HECW1: variants seen among roughly 807,000 people sequenced by gnomAD.
The protein encoded by HECW1 is HECT, C2 and WW domain containing E3 ubiquitin protein ligase 1.
In HECW1, 61 loss-of-function variants were observed where a neutral mutation model predicts 182.3. The ratio of observed to expected loss-of-function variants is 0.33; its 90% CI spans 0.27 to 0.41. The LOEUF (loss-of-function observed/expected upper bound fraction) is 0.41. HECW1 is among the 10% of genes least tolerant of loss of function. The pLI is 1.00. For synonymous variants in HECW1, 859 were observed against 832.6 expected, an observed-to-expected ratio of 1.03 and a Z score of -0.55; for missense variants, 1,739 against 2,108.9, an observed-to-expected ratio of 0.82 and a Z score of 3.44.
intron 2 of HECW1, among the ~76,000 whole-genome samples, chr7:43,137,354 T>C (rs956174801): frequency 2.0e-5 from 3 of 152,246 alleles, no homozygotes; most frequent in South Asian, 2.1e-4. Context: ...CATGATTAAA[T>C]GGTCTAGACC....
At chr7:43,493,427 A>AG (rs961106147) in intron 19 of HECW1, among the ~76,000 whole-genome samples, 47 of 151,498 alleles carry the variant, frequency 3.1e-4, no homozygotes, top group African/African-American at 4.1e-4. Flanking sequence ...CCATTGATGT[A>AG]GGGGGGGGAA....
chr7:43,352,726 C>A (rs2152807138), intron 5 of HECW1, among the ~76,000 whole-genome samples: 1 of 152,242 alleles, frequency 6.6e-6, no homozygotes, highest in Non-Finnish European at 1.5e-5. Flanking sequence ...TTTAAGAAGG[C>A]TAATAATGAT....
chr7:43,263,826 CATT>C (rs912113180), intron 3 of HECW1, among the ~76,000 whole-genome samples: 3 of 152,090 alleles, frequency 2.0e-5, no homozygotes, highest in African/African-American at 7.2e-5. Flanking sequence ...TTCTTTCTAG[CATT>C]ATTATTGTTT....
At position 43,465,168 on chromosome 7, in the gene HECW1, T is replaced by C. The variant is rs564539074; in HGVS notation, c.2792-1279T>C. Among the ~76,000 whole-genome samples the C allele has an allele frequency of 2.0e-4, 31 of 152,220 alleles. 1 individual carries two copies. The South Asian group carries it at 6.0e-3, about 30-fold the overall frequency. ...TACAATAGCCAAGTAACTAGAAACA[T>C]GAGGAAAAAGCAGCAGAAAGTTTAT... On this transcript the variant is annotated intron_variant, in intron 14 of 29. Transcript: ENST00000395891.
chr7:43,403,221 A>T (rs2075486768), intron 7 of HECW1, among the ~76,000 whole-genome samples: 1 of 152,220 alleles, frequency 6.6e-6, no homozygotes, highest in African/African-American at 2.4e-5. Flanking sequence ...TACATAGGAG[A>T]TACCCAGGGA....
At chr7:43,346,634 T>G (rs1053636730) in intron 5 of HECW1, among the ~76,000 whole-genome samples, 2 of 152,202 alleles carry the variant, frequency 1.3e-5, no homozygotes, top group Non-Finnish European at 2.9e-5. Context: ...GGTCTTAGGT[T>G]TAAGTCCTTA....
chr7:43,364,144 G>A (rs566155828), intron 6 of HECW1, among the ~76,000 whole-genome samples: 7 of 152,244 alleles, frequency 4.6e-5, no homozygotes, highest in South Asian at 4.1e-4. Flanking sequence ...GTGACAATAC[G>A]CTAAACCTAC....
chr7:43,225,729 T>C (rs1797365218), intron 2 of HECW1, among the ~76,000 whole-genome samples: 1 of 152,142 alleles, frequency 6.6e-6, no homozygotes, highest in Non-Finnish European at 1.5e-5. Context: ...AAAATGCTGC[T>C]GATTTTCTAT....
chr7:43,493,053 T>C, intron 18 of HECW1, 31 bp from the exon 19 acceptor site: 1 of 1,482,180 alleles, frequency 6.7e-7, no homozygotes, highest in South Asian at 1.1e-5. Flanking sequence ...GGCTGCAGAC[T>C]CAACCACAAC....
chr7:43,554,067 A>G (rs2081940450), intron 28 of HECW1, among the ~76,000 whole-genome samples: 1 of 152,228 alleles, frequency 6.6e-6, no homozygotes, highest in African/African-American at 2.4e-5. Context: ...GCATGTATCC[A>G]TCCAGGGCTG....
rs558683030 is a variant in HECW1 at position 43,183,290 on chromosome 7, C to T, written c.-31-60585C>T. 3.9e-5 allele frequency among the ~76,000 whole-genome samples: 6 copies of T among 152,292 alleles called. No homozygotes were observed. The South Asian group carries it at 8.3e-4, about 21-fold the overall frequency. ...TCTACCACAAGTCTCACTTCCCTGT[C>T]GACCTGGTAGGTGGAGCCAGGCTGG... On this transcript the variant is annotated intron_variant, in intron 2 of 29. Coordinates refer to ENST00000395891, the MANE Select transcript of HECW1 (RefSeq NM_015052.5).
At chr7:43,537,214 T>G (rs1487186514) in intron 24 of HECW1, among the ~76,000 whole-genome samples, 1 of 152,166 alleles carries the variant, frequency 6.6e-6, no homozygotes, top group Non-Finnish European at 1.5e-5. Context: ...GGTATTTAAG[T>G]AACAGATTCA....
intron 4 of HECW1, 27 bp from the exon 5 acceptor site, chr7:43,320,608 C>A: frequency 6.8e-7 from 1 of 1,467,386 alleles, no homozygotes; most frequent in Non-Finnish European, 9.6e-7. Flanking sequence ...TGTTTCTCTG[C>A]TCTGCTTTCT....
intron 5 of HECW1, among the ~76,000 whole-genome samples, chr7:43,349,879 C>T (rs1562871417): frequency 6.6e-6 from 1 of 152,090 alleles, no homozygotes; most frequent in African/African-American, 2.4e-5. Context: ...GGTACCATTG[C>T]TTTCATCATG....
intron 7 of HECW1, among the ~76,000 whole-genome samples, chr7:43,397,095 T>C (rs144512842): frequency 5.6e-4 from 85 of 152,326 alleles, no homozygotes; most frequent in African/African-American, 2.0e-3. Context: ...AAGTAATAGA[T>C]GTGAAAGCAT....
chr7:43,504,183 C>T (rs1014982076), intron 21 of HECW1, among the ~76,000 whole-genome samples: 5 of 152,230 alleles, frequency 3.3e-5, no homozygotes, highest in Non-Finnish European at 5.9e-5. Flanking sequence ...ACTTCAACAT[C>T]GACAGGGACC....
intron 8 of HECW1, among the ~76,000 whole-genome samples, chr7:43,411,353 T>C (rs573889210): frequency 2.0e-5 from 3 of 152,310 alleles, no homozygotes; most frequent in African/African-American, 7.2e-5. Flanking sequence ...ATACTCTATA[T>C]GATTGCAATC....
Position 43,541,372 on chromosome 7 carries a change from G to T in HECW1, c.4118+111G>T, listed in dbSNP as rs570248372. 53 of 800,432 alleles carry T rather than the reference G, an allele frequency of 6.6e-5. No homozygotes were observed. The South Asian group carries it at 6.9e-4, about 10-fold the overall frequency. 49.6% of individuals were successfully genotyped at this position (800,432 alleles called of 1,614,324 possible). A position where few individuals can be genotyped will look rare whatever the true frequency, so the allele number is the denominator to read the frequency against. On this transcript the variant is annotated intron_variant, in intron 25 of 29. Coordinates refer to ENST00000395891, the MANE Select transcript of HECW1 (RefSeq NM_015052.5). ...TCACTATTTTGCCCTAACCATTCCT[G>T]TTAGGGTTATGGTGGCTTCCTGTTC...
intron 5 of HECW1, among the ~76,000 whole-genome samples, chr7:43,347,898 A>G (rs1813889945): frequency 6.6e-6 from 1 of 151,904 alleles, no homozygotes; most frequent in African/African-American, 2.4e-5. Context: ...TATCTTTTTG[A>G]TATATTGTTG....
Sources: allele counts gnomAD v4.1 joint callset (sites outside exome capture counted in the v4.1 genomes callset), GRCh38; gene constraint gnomAD v4.1.1; transcripts MANE v1.5; gene names NCBI Gene and HGNC (gene_info 2026-07-23, HGNC 2026-07-21).